The following GNA14 variants were observed in gnomAD, a reference collection of about 807,000 sequenced individuals.
GNA14 encodes the protein guanine nucleotide-binding protein subunit alpha-14.
A neutral mutation model predicts 42.0 loss-of-function variants in GNA14; 50 were observed. The ratio of observed to expected loss-of-function variants is 1.19; its 90% CI spans 0.95 to 1.51. The LOEUF is 1.51. Among genes scored for constraint, GNA14 ranks in the 40% most tolerant of loss-of-function variants. GNA14 has a pLI of 0.00. For missense variants in GNA14, 473 were observed against 446.2 expected, an observed-to-expected ratio of 1.06 and a Z score of -0.54; for synonymous variants, 173 against 163.1, an observed-to-expected ratio of 1.06 and a Z score of -0.46.
At chr9:77,598,799 A>G (rs184496447) in intron 1 of GNA14, among the ~76,000 whole-genome samples, 6 of 152,292 alleles carry the variant, frequency 3.9e-5, no homozygotes, top group Admixed American at 2.6e-4. Context: ...CTACACTCCA[A>G]TCAGCTGCTT....
At chr9:77,643,534 C>G (rs1217059076) in intron 1 of GNA14, among the ~76,000 whole-genome samples, 1 of 152,142 alleles carries the variant, frequency 6.6e-6, no homozygotes, top group Non-Finnish European at 1.5e-5. Flanking sequence ...CCACCGCACC[C>G]AATCGGTGTT....
chr9:77,434,635 A>T, intron 2 of GNA14, 113 bp from the exon 3 acceptor site: 2 of 913,666 alleles, frequency 2.2e-6, no homozygotes, highest in Non-Finnish European at 3.3e-6. Flanking sequence ...CTCACTAGGC[A>T]TGGGGCGTGG....
intron 2 of GNA14, among the ~76,000 whole-genome samples, chr9:77,457,120 C>T (rs896889001): frequency 2.0e-5 from 3 of 152,164 alleles, no homozygotes; most frequent in African/African-American, 7.2e-5. Context: ...GCCAGAACGA[C>T]GTAGCTAGGT....
rs546424661 is a variant in GNA14 at position 77,466,398 on chromosome 9, T to C, written c.310-31876A>G. Among the ~76,000 whole-genome samples the C allele has an allele frequency of 5.3e-5, 8 of 152,308 alleles. No homozygotes were observed. In the East Asian group the frequency reaches 1.5e-3, roughly 29 times the overall value. Reference sequence around the variant, plus strand: ...TTAGCTCAAATCTACTACGGAGCCTTTCTAGCAAGTTTTTAAGTTCAGGGT... The same window carrying C: ...TTAGCTCAAATCTACTACGGAGCCTCTCTAGCAAGTTTTTAAGTTCAGGGT... On this transcript the variant is annotated intron_variant, in intron 2 of 6. Coordinates refer to ENST00000341700, the MANE Select transcript of GNA14 (RefSeq NM_004297.4).
intron 5 of GNA14, among the ~76,000 whole-genome samples, chr9:77,426,582 G>T (rs1344187656): frequency 6.6e-6 from 1 of 152,220 alleles, no homozygotes. Context: ...GGGATTACAG[G>T]CATGAGCCAC....
At chr9:77,598,065 A>C (rs1353218894) in intron 1 of GNA14, among the ~76,000 whole-genome samples, 1 of 152,104 alleles carries the variant, frequency 6.6e-6, no homozygotes, top group Non-Finnish European at 1.5e-5. Context: ...AAAGCAAAAA[A>C]CTTTTTTGTC....
rs555591551 is a variant in GNA14, at chr9:77,449,115, T to C, written c.310-14593A>G. ...GATACAGTTAGATACAAAAATACCA[T>C]TGTGTTACAACTGCCTACAGTGTTC... On this transcript the variant is annotated intron_variant, in intron 2 of 6. Transcript: ENST00000341700. Among the ~76,000 whole-genome samples, 209 of 152,330 alleles carry C rather than the reference T, an allele frequency of 1.4e-3. 1 individual carries two copies. The highest frequency in any genetic ancestry group is 4.8e-3 in the African/African-American group (200 of 41,570).
intron 2 of GNA14, among the ~76,000 whole-genome samples, chr9:77,459,331 T>C (rs1836065626): frequency 6.6e-6 from 1 of 152,166 alleles, no homozygotes; most frequent in Non-Finnish European, 1.5e-5. Flanking sequence ...AGGGGGATTG[T>C]CTTACTGTAA....
At chr9:77,488,698 G>T (rs1836701589) in intron 2 of GNA14, among the ~76,000 whole-genome samples, 1 of 147,960 alleles carries the variant, frequency 6.8e-6, no homozygotes, top group African/African-American at 2.5e-5. Flanking sequence ...GCACCCTCTA[G>T]TGCCAAAAAG....
intron 1 of GNA14, among the ~76,000 whole-genome samples, chr9:77,562,343 G>C (rs984091050): frequency 1.3e-5 from 2 of 152,120 alleles, no homozygotes; most frequent in African/African-American, 4.8e-5. Context: ...TGAGGAATGA[G>C]GATTGAGAGC....
At chr9:77,454,741 AC>A (rs143136911) in intron 2 of GNA14, among the ~76,000 whole-genome samples, 2,474 of 152,160 alleles carry the variant, frequency 0.016, 70 homozygotes, top group African/African-American at 0.056. Context: ...GTTGCTTACA[AC>A]CCAGAAACCT....
At chr9:77,452,227 A>T (rs1233303026) in intron 2 of GNA14, among the ~76,000 whole-genome samples, 2 of 148,538 alleles carry the variant, frequency 1.3e-5, no homozygotes, top group Non-Finnish European at 3.1e-5. Context: ...ACCCCTACTC[A>T]TGTGACGTGT....
intron 1 of GNA14, among the ~76,000 whole-genome samples, chr9:77,625,654 G>A (rs1420500663): frequency 6.6e-6 from 1 of 152,124 alleles, no homozygotes; most frequent in African/African-American, 2.4e-5. Flanking sequence ...AAGCAAAGGA[G>A]AAATAAAATC....
chr9:77,526,158 C>G (rs1233047522), intron 2 of GNA14, among the ~76,000 whole-genome samples: 1 of 151,438 alleles, frequency 6.6e-6, no homozygotes, highest in African/African-American at 2.4e-5. Flanking sequence ...AGATGGCTGC[C>G]TGCCTCGGCC....
chr9:77,598,610 T>C (rs1823502998), intron 1 of GNA14, among the ~76,000 whole-genome samples: 1 of 152,164 alleles, frequency 6.6e-6, no homozygotes, highest in Admixed American at 6.5e-5. Flanking sequence ...AACCAGAGGA[T>C]TTACTGGCAT....
At position 77,648,034 on chromosome 9, in the gene GNA14, C is replaced by G. The variant is rs1000373316; in HGVS notation, c.-241G>C. On this transcript the variant is annotated 5_prime_UTR_variant, in exon 1 of 7. Coordinates refer to ENST00000341700, the MANE Select transcript of GNA14 (RefSeq NM_004297.4). ...CGCTCGAGTGCACCCCGGATCCGGG[C>G]TCAGCCCGCCCCACTCTCGCTCTGG... 7.6e-6 allele frequency: 4 copies of G among 523,930 alleles called. No homozygotes were observed. The Admixed American group carries it at 1.5e-4, about 20-fold the overall frequency. 32.5% of individuals were successfully genotyped at this position (523,930 alleles called of 1,614,324 possible).
chr9:77,495,295 TTAG>T (rs1836853133), intron 2 of GNA14, among the ~76,000 whole-genome samples: 1 of 151,948 alleles, frequency 6.6e-6, no homozygotes, highest in Admixed American at 6.5e-5. Flanking sequence ...ATGTAGCTAG[TTAG>T]TAGCTAACTA....
chr9:77,635,016 A>G (rs534905693), intron 1 of GNA14, among the ~76,000 whole-genome samples: 2 of 152,280 alleles, frequency 1.3e-5, no homozygotes, highest in African/African-American at 4.8e-5. Flanking sequence ...GGTCACTATT[A>G]TTATTTCATT....
chr9:77,470,319 C>G (rs149349264), intron 2 of GNA14, among the ~76,000 whole-genome samples: 1 of 152,194 alleles, frequency 6.6e-6, no homozygotes, highest in East Asian at 1.9e-4. Context: ...TGGAGAGTAT[C>G]TCCAATTAGA....
Sources: allele counts gnomAD v4.1 joint callset (sites outside exome capture counted in the v4.1 genomes callset), GRCh38; gene constraint gnomAD v4.1.1; transcripts MANE v1.5; gene names NCBI Gene and HGNC (gene_info 2026-07-23, HGNC 2026-07-21).